RDH13: variants seen among roughly 807,000 people sequenced by gnomAD.
The protein encoded by RDH13 is retinol dehydrogenase 13.
RDH13 carries 35 observed loss-of-function variants against 28.3 expected under a neutral mutation model. The observed-to-expected ratio is 1.24, with a 90% CI of 0.95 to 1.64. The LOEUF is 1.64. Ranked by LOEUF, RDH13 falls within the 40% of genes most tolerant of loss-of-function variation. RDH13 has a pLI of 0.00. For synonymous variants in RDH13, 229 were observed against 198.5 expected, an observed-to-expected ratio of 1.15 and a Z score of -1.29; for missense variants, 514 against 446.3, an observed-to-expected ratio of 1.15 and a Z score of -1.37.
intron 3 of RDH13, among the ~76,000 whole-genome samples, chr19:55,051,663 C>T (rs897018889): frequency 1.3e-5 from 2 of 151,264 alleles, no homozygotes; most frequent in African/African-American, 4.9e-5. Flanking sequence ...TTCTTCACCT[C>T]GTGATCCACC....
At chr19:55,039,103 T>C (rs1046909199), downstream of RDH13, 2 of 152,114 alleles carry the variant, frequency 1.3e-5, no homozygotes, top group African/African-American at 4.8e-5. Context: ...GTCTCTAACA[T>C]ATTTGTACAC....
At chr19:55,052,544 A>T (rs1472134508) in intron 3 of RDH13, among the ~76,000 whole-genome samples, 2 of 98,542 alleles carry the variant, frequency 2.0e-5, no homozygotes, top group Non-Finnish European at 3.8e-5. Context: ...CTCCGTCTTA[A>T]AAAAAAAAAA....
chr19:55,048,009 C>T (rs1291630103), intron 5 of RDH13: 1 of 1,377,504 alleles, frequency 7.3e-7, no homozygotes, highest in African/African-American at 1.4e-5. Context: ...CAGGCATTGA[C>T]AACTGCGGGT....
upstream of RDH13, chr19:55,063,178 G>A: frequency 9.3e-6 from 6 of 645,494 alleles, no homozygotes; most frequent in Non-Finnish European, 1.4e-5. Context: ...TCCGGAACTG[G>A]GCTGCGAGGG....
At chr19:55,066,794 C>G (rs1004393157), upstream of RDH13, among the ~76,000 whole-genome samples, 1 of 151,872 alleles carries the variant, frequency 6.6e-6, no homozygotes, top group Non-Finnish European at 1.5e-5. Context: ...CTTAAGAGGC[C>G]TCAGCAGTGT....
chr19:55,060,939 G>A (rs1201329595), intron 1 of RDH13, among the ~76,000 whole-genome samples: 2 of 152,056 alleles, frequency 1.3e-5, no homozygotes, highest in African/African-American at 2.4e-5. Flanking sequence ...CCTCCAGTTC[G>A]GCAGGTCAAG....
chr19:55,047,401 G>A lies in RDH13; in HGVS notation c.746C>T (p.Ser249Phe), dbSNP rs892091764. The A allele has an allele frequency of 1.2e-6, 2 of 1,611,952 alleles. No individual in the cohort carries two copies. Among genetic ancestry groups the A allele is most frequent in the Non-Finnish European group, 1.7e-6 (2 of 1,179,924 alleles). ...AGGGGACTCACCGAGTGTGGTGCTG[G>A]AGAAGGTGGAGCCATGGATGCCCGT... Reference protein sequence around the residue: ...RHTGIHGSTFSSTTLGPIFWL... With the variant: ...RHTGIHGSTFFSTTLGPIFWL... Residue 249 changes from serine (S) to phenylalanine (F), a missense_variant, in exon 6 of 7, where the codon TCC becomes TTC. Coordinates refer to ENST00000415061, the MANE Select transcript of RDH13 (RefSeq NM_001145971.2).
At chr19:55,065,700 T>C (rs1053921929), upstream of RDH13, among the ~76,000 whole-genome samples, 4 of 151,686 alleles carry the variant, frequency 2.6e-5, no homozygotes, top group African/African-American at 7.2e-5. Context: ...ACTTTATTTA[T>C]AAAAATAAGC....
chr19:55,047,350 G>T, intron 6 of RDH13, 37 bp downstream of exon 6: 1 of 1,598,710 alleles, frequency 6.3e-7, no homozygotes, highest in Non-Finnish European at 8.5e-7. Flanking sequence ...GGGGTGGAGG[G>T]CTCCACGTGG....
intron 1 of RDH13, 118 bp downstream of exon 1, chr19:55,062,850 C>A: frequency 1.1e-6 from 1 of 904,934 alleles, no homozygotes; most frequent in Non-Finnish European, 1.5e-6. Flanking sequence ...GCGGGCACTG[C>A]GGGTCGGGAG....
chr19:55,042,428 G>A (rs1373257515), downstream of RDH13: 2 of 152,132 alleles, frequency 1.3e-5, no homozygotes, highest in Non-Finnish European at 2.9e-5. Flanking sequence ...CCTAATAGCT[G>A]GGATTACAGG....
At chr19:55,056,852 C>G in intron 2 of RDH13, 44 bp from the exon 3 acceptor site, 1 of 1,519,572 alleles carries the variant, frequency 6.6e-7, no homozygotes, top group Non-Finnish European at 9.0e-7. Context: ...ATAATCCACT[C>G]CTGGGTACTG....
At chr19:55,053,333 TAAA>T (rs147950783) in intron 3 of RDH13, among the ~76,000 whole-genome samples, 21 of 152,086 alleles carry the variant, frequency 1.4e-4, no homozygotes, top group African/African-American at 4.6e-4. Context: ...CTTGATTTGC[TAAA>T]AAAGTCACAG....
At position 55,045,087 on chromosome 19, in the gene RDH13, G is replaced by GGCTGCTCCCTCACAGAGGGAGCA. The variant is rs754842734; in HGVS notation, c.982_983insTGCTCCCTCTGTGAGGGAGCAGC (p.Pro328LeufsTer5). 1 of 1,605,218 alleles carries GGCTGCTCCCTCACAGAGGGAGCA rather than the reference G, an allele frequency of 6.2e-7. No homozygotes were observed. Among genetic ancestry groups the GGCTGCTCCCTCACAGAGGGAGCA allele is most frequent in the South Asian group, 1.1e-5 (1 of 90,086 alleles). On this transcript the variant is annotated stop_gained and frameshift_variant, in exon 7 of 7. Transcript: ENST00000415061. LOFTEE classifies it high-confidence loss of function. ...CTGCTCCAGAGGTTATCTGGGGAGG[G>GGCTGCTCCCTCACAGAGGGAGCA]GCTGCTCCCTCACAGAGGGAGCCTC... is the stretch of plus-strand genomic sequence containing the variant.
chr19:55,059,100 G>T, intron 2 of RDH13, 57 bp downstream of exon 2: 1 of 1,135,398 alleles, frequency 8.8e-7, no homozygotes, highest in Non-Finnish European at 1.3e-6. Context: ...GAATAATGCT[G>T]CAGTGAGCAT....
chr19:55,061,455 C>T (rs2075804185), intron 1 of RDH13, among the ~76,000 whole-genome samples: 1 of 152,040 alleles, frequency 6.6e-6, no homozygotes, highest in Non-Finnish European at 1.5e-5. Flanking sequence ...TCCATCTCCC[C>T]TCTGACTGAG....
At chr19:55,048,811 C>T in intron 3 of RDH13, 48 bp from the exon 4 acceptor site, 2 of 1,468,658 alleles carry the variant, frequency 1.4e-6, no homozygotes, top group Non-Finnish European at 9.5e-7. Context: ...GGACAGACCC[C>T]AGCCTGATGC....
At chr19:55,049,322 G>A (rs150648915) in intron 3 of RDH13, among the ~76,000 whole-genome samples, 14 of 152,266 alleles carry the variant, frequency 9.2e-5, no homozygotes, top group Non-Finnish European at 1.5e-4. Context: ...CACCGCAGGC[G>A]TGGTTTCATT....
intron 1 of RDH13, 29 bp downstream of exon 1, chr19:55,062,939 C>T: frequency 7.0e-7 from 1 of 1,436,916 alleles, no homozygotes; most frequent in South Asian, 1.4e-5. Context: ...CCCGCCTTGA[C>T]CGCGCACGCG....
Sources: gnomAD v4.1 joint callset for allele counts (sites outside exome capture counted in the v4.1 genomes callset) on GRCh38, gnomAD v4.1.1 for gene constraint, MANE v1.5 for transcripts, NCBI Gene and HGNC (gene_info 2026-07-23, HGNC 2026-07-21) for gene names.